RPH3A: variants seen among roughly 807,000 people sequenced by gnomAD.
RPH3A encodes the protein rabphilin 3A.
RPH3A carries 48 observed loss-of-function variants against 102.2 expected under a neutral mutation model. The observed-to-expected ratio is 0.47, with a 90% CI of 0.37 to 0.60. The LOEUF is 0.60. RPH3A is among the 20% of genes least tolerant of loss of function. RPH3A has a pLI of 0.00. For synonymous variants in RPH3A, 310 were observed against 324.3 expected (o/e 0.96, Z 0.47); for missense variants, 781 against 910.1 (o/e 0.86, Z 1.83).
chr12:112,761,402 C>T (rs2040854470), intron 1 of RPH3A, among the ~76,000 whole-genome samples: 1 of 152,260 alleles, frequency 6.6e-6, no homozygotes, highest in Admixed American at 6.5e-5. Flanking sequence ...CTCTCCTCTA[C>T]CATCTCCAAA....
At chr12:112,599,821 G>A (rs1473200488) in intron 1 of RPH3A, among the ~76,000 whole-genome samples, 1 of 152,160 alleles carries the variant, frequency 6.6e-6, no homozygotes, top group Non-Finnish European at 1.5e-5. Flanking sequence ...GGGTTGGAGA[G>A]ACCTGGCACA....
chr12:112,644,237 T>A (rs1333740250), intron 1 of RPH3A, among the ~76,000 whole-genome samples: 1 of 152,228 alleles, frequency 6.6e-6, no homozygotes, highest in Non-Finnish European at 1.5e-5. Context: ...AAGCCCAGAC[T>A]TCATTAGGAA....
intron 5 of RPH3A, among the ~76,000 whole-genome samples, chr12:112,853,918 A>G (rs1286780950): frequency 2.0e-5 from 3 of 152,220 alleles, no homozygotes; most frequent in African/African-American, 7.2e-5. Flanking sequence ...TGTTGAATGA[A>G]TAATGCATAC....
At chr12:112,779,808 C>T (rs1364838771) in intron 1 of RPH3A, among the ~76,000 whole-genome samples, 1 of 152,084 alleles carries the variant, frequency 6.6e-6, no homozygotes, top group Non-Finnish European at 1.5e-5. Flanking sequence ...TATAAACACT[C>T]AGGTTAAGGT....
At chr12:112,610,552 A>T (rs2039631936) in intron 1 of RPH3A, among the ~76,000 whole-genome samples, 1 of 151,430 alleles carries the variant, frequency 6.6e-6, no homozygotes, top group Non-Finnish European at 1.5e-5. Context: ...CTAAAGGAGC[A>T]GCTCACTTAG....
At chr12:112,762,115 A>G (rs977209503) in intron 1 of RPH3A, among the ~76,000 whole-genome samples, 8 of 152,222 alleles carry the variant, frequency 5.3e-5, no homozygotes, top group African/African-American at 1.9e-4. Flanking sequence ...TAAATGTTCA[A>G]TAAGTATTCA....
At chr12:112,776,971 A>G (rs1473880758) in intron 1 of RPH3A, among the ~76,000 whole-genome samples, 1 of 151,370 alleles carries the variant, frequency 6.6e-6, no homozygotes, top group Admixed American at 6.6e-5. Flanking sequence ...AAGGAAGCAC[A>G]GGTCAAATTC....
intron 1 of RPH3A, among the ~76,000 whole-genome samples, chr12:112,764,371 G>A (rs1337634482): frequency 1.3e-5 from 2 of 152,152 alleles, no homozygotes; most frequent in South Asian, 2.1e-4. Flanking sequence ...TAGCAAAGGT[G>A]GTCTTGTTAT....
At position 112,586,882 on chromosome 12, in the gene RPH3A, A is replaced by G. The variant is rs2039442987; in HGVS notation, c.-140+11563A>G. On this transcript the variant is annotated intron_variant, in intron 1 of 21. Transcript: ENST00000543106. ...ACTACCACACAATACCATCTCCTATATATCTCAGGAGTTTAGCATCAAATT... is the reference window on the plus strand; with the variant it reads ...ACTACCACACAATACCATCTCCTATGTATCTCAGGAGTTTAGCATCAAATT... 2.0e-5 allele frequency among the ~76,000 whole-genome samples: 3 copies of G among 152,316 alleles called. No individual in the cohort carries two copies. The South Asian group carries it at 6.2e-4, about 32-fold the overall frequency.
intron 19 of RPH3A, among the ~76,000 whole-genome samples, chr12:112,891,564 G>A (rs968722423): frequency 1.4e-4 from 22 of 152,336 alleles, no homozygotes; most frequent in African/African-American, 5.3e-4. Flanking sequence ...GAAGTCTGCA[G>A]GGAGTCAGGG....
intron 1 of RPH3A, among the ~76,000 whole-genome samples, chr12:112,734,331 A>G (rs144283432): frequency 1.5e-3 from 236 of 152,350 alleles, no homozygotes; most frequent in African/African-American, 5.6e-3. Flanking sequence ...GTAGTCAGCT[A>G]TACCTCTAGG....
At chr12:112,742,209 T>C (rs995305566) in intron 1 of RPH3A, among the ~76,000 whole-genome samples, 7 of 152,180 alleles carry the variant, frequency 4.6e-5, no homozygotes, top group Non-Finnish European at 7.3e-5. Flanking sequence ...CAGCCATTGT[T>C]CATGTTGCCA....
intron 1 of RPH3A, among the ~76,000 whole-genome samples, chr12:112,593,183 G>A (rs1592897699): frequency 6.6e-6 from 1 of 152,166 alleles, no homozygotes. Context: ...AGGATACAAC[G>A]AGAAGACAGT....
At position 112,634,343 on chromosome 12, in the gene RPH3A, G is replaced by A. The variant is rs1327844496; in HGVS notation, c.-140+59024G>A. ...AGCCTGGGCGACAGAGCGAGACTCC[G>A]TCTCAAAAACAAAAAAAAAACAAAA... On this transcript the variant is annotated intron_variant, in intron 1 of 21. Transcript: ENST00000543106. 9.8e-5 allele frequency among the ~76,000 whole-genome samples: 3 copies of A among 30,748 alleles called. 1 individual carries two copies. The East Asian group carries it at 5.4e-3, about 56-fold the overall frequency. The allele number at this position is 30,748 out of a possible 152,430, so 20.2% of individuals were successfully genotyped here.
rs148218813 is a variant in RPH3A, at chr12:112,821,147, C to T, written c.-18-7154C>T. The stretch of plus-strand genomic sequence containing the variant: ...ATGAGAGAAGGCAGGAATGACCAGG[C>T]GGGCAGGCAAGTGAAGGGGCACTCG... On this transcript the variant is annotated intron_variant, in intron 2 of 21. Coordinates refer to ENST00000389385, the MANE Select transcript of RPH3A (RefSeq NM_001143854.2). Among the ~76,000 whole-genome samples the T allele has an allele frequency of 1.4e-3, 206 of 152,268 alleles. 1 individual carries two copies. The highest frequency in any genetic ancestry group is 4.5e-3 in the African/African-American group (189 of 41,546).
In RPH3A at chr12:112,768,762, G is replaced by T. The variant is rs2040908658; in HGVS notation, c.-139-23381G>T. On this transcript the variant is annotated intron_variant, in intron 1 of 21. Coordinates refer to the RPH3A transcript ENST00000543106. ...GCCCCATCTCTACAAAAATACAAAA[G>T]TTAGCTGGGCATGGTGACACACTTC... Among the ~76,000 whole-genome samples the T allele has an allele frequency of 2.6e-5, 4 of 152,128 alleles. No homozygotes were observed. The South Asian group carries it at 6.2e-4, about 24-fold the overall frequency.
At chr12:112,834,345 A>G (rs1162907433) in intron 3 of RPH3A, among the ~76,000 whole-genome samples, 1 of 152,230 alleles carries the variant, frequency 6.6e-6, no homozygotes, top group East Asian at 1.9e-4. Flanking sequence ...TTATTCCATT[A>G]TGTGAATATG....
At chr12:112,688,613 CAATGGG>C (rs1302060624) in intron 1 of RPH3A, among the ~76,000 whole-genome samples, 2 of 152,008 alleles carry the variant, frequency 1.3e-5, no homozygotes, top group Non-Finnish European at 1.5e-5. Context: ...TGAAAAAAAC[CAATGGG>C]AACAAGCTTT....
intron 3 of RPH3A, among the ~76,000 whole-genome samples, chr12:112,831,103 A>ATTTTT (rs34625027): frequency 5.5e-5 from 8 of 144,400 alleles, no homozygotes; most frequent in African/African-American, 1.3e-4. Flanking sequence ...TGGGCATGGC[A>ATTTTT]TTTTTTTTTT....
Sources: allele counts gnomAD v4.1 joint callset (sites outside exome capture counted in the v4.1 genomes callset), GRCh38; gene constraint gnomAD v4.1.1; transcripts MANE v1.5; gene names NCBI Gene and HGNC (gene_info 2026-07-23, HGNC 2026-07-21).